The following MYPN variants were observed in gnomAD, a reference collection of about 807,000 sequenced individuals.
MYPN encodes myopalladin, also known as sarcomeric protein myopalladin, 145 kDa (MYOP).
A neutral mutation model predicts 129.4 loss-of-function variants in MYPN; 63 were observed. The observed-to-expected ratio is 0.49, with a 90% CI of 0.40 to 0.60. The LOEUF (loss-of-function observed/expected upper bound fraction) is 0.60, where lower values mean the gene tolerates loss of function less well. Among genes scored for constraint, MYPN ranks in the 20% least tolerant of loss-of-function variants. MYPN has a pLI of 0.00. For synonymous variants in MYPN, 629 were observed against 600.9 expected (o/e 1.05, Z -0.68); for missense variants, 1,596 against 1,635.4 (o/e 0.98, Z 0.42).
intron 2 of MYPN, among the ~76,000 whole-genome samples, chr10:68,123,728 T>C (rs183577725): frequency 8.7e-4 from 127 of 145,396 alleles, no homozygotes; most frequent in African/African-American, 3.2e-3. Flanking sequence ...TAAATAAGTA[T>C]AATTAAAAAT....
chr10:68,170,676 T>C (rs1375031234), intron 10 of MYPN, among the ~76,000 whole-genome samples: 1 of 152,212 alleles, frequency 6.6e-6, no homozygotes, highest in Non-Finnish European at 1.5e-5. Flanking sequence ...AGCCTGACTT[T>C]GAAATTTCAG....
At chr10:68,145,604 C>T in intron 4 of MYPN, 78 bp downstream of exon 4, 1 of 1,241,744 alleles carries the variant, frequency 8.1e-7, no homozygotes, top group Non-Finnish European at 1.2e-6. Context: ...TAATTGGTTA[C>T]TAGAACTTAA....
At position 68,174,446 on chromosome 10, in the gene MYPN, T is replaced by A. The variant is rs758614811; in HGVS notation, c.2354T>A (p.Leu785His). 1.2e-6 allele frequency: 2 copies of A among 1,614,036 alleles called. No individual in the cohort carries two copies. The highest frequency in any genetic ancestry group is 2.2e-5 in the South Asian group (2 of 91,082). ...PGGLSIQNEP[L>H]PPGPTEPTPP... ...GGGCTTTCCATCCAAAATGAGCCAC[T>A]CCCACCAGGCCCAACAGAACCAACA... is the stretch of plus-strand genomic sequence containing the variant. The change falls in exon 11 of 20, where the codon CTC (leucine) becomes CAC (histidine). Residue 785 changes from leucine to histidine, a missense_variant. Coordinates refer to ENST00000358913, the MANE Select transcript of MYPN (RefSeq NM_032578.4).
chr10:68,173,789 C>G (rs2043179543), intron 10 of MYPN, among the ~76,000 whole-genome samples: 1 of 151,200 alleles, frequency 6.6e-6, no homozygotes, highest in South Asian at 2.1e-4. Context: ...GCTGGGGCTA[C>G]AGGCGTGCAC....
intron 6 of MYPN, among the ~76,000 whole-genome samples, chr10:68,154,626 T>C (rs1175546140): frequency 2.0e-5 from 3 of 152,200 alleles, no homozygotes; most frequent in Non-Finnish European, 2.9e-5. Flanking sequence ...TCCAACTCCA[T>C]CCTAAAGCAC....
At chr10:68,160,421 C>T in intron 7 of MYPN, among the ~76,000 whole-genome samples, 1 of 105,520 alleles carries the variant, frequency 9.5e-6, no homozygotes, top group Admixed American at 1.2e-4. Context: ...CAGAGTGAGA[C>T]CTTATCTCAA....
rs10997930 is a variant in MYPN at position 68,091,719 on chromosome 10, G to T, written c.-2+3727G>T. On this transcript the variant is annotated intron_variant, in intron 1 of 6. Coordinates refer to the MYPN transcript ENST00000685154. ...CCTAGACTACAGCCCAAATTTGCTC[G>T]TTTTTTTTTTATTTTCCTTCTTTTG... 4.0e-5 allele frequency among the ~76,000 whole-genome samples: 6 copies of T among 148,766 alleles called. No homozygotes were observed. In the East Asian group the frequency reaches 7.8e-4, roughly 19 times the overall value.
Position 68,121,785 on chromosome 10 carries a change from A to T in MYPN, c.347A>T (p.Asn116Ile). Reference protein sequence around the residue: ...KHSPNLSFEPNFCQDNPRSPT... With the variant: ...KHSPNLSFEPIFCQDNPRSPT... The stretch of plus-strand genomic sequence containing the variant: ...TCACCTAATTTAAGTTTTGAGCCTA[A>T]CTTCTGCCAGGATAACCCTCGAAGT... Residue 116 changes from asparagine (N) to isoleucine (I), a missense_variant, in exon 2 of 20, where the codon AAC becomes ATC. Asn to Ile is a moderately radical substitution (Grantham distance 149, BLOSUM62 -3). Coordinates refer to ENST00000358913, the MANE Select transcript of MYPN (RefSeq NM_032578.4). The T allele has an allele frequency of 6.2e-7, 1 of 1,614,216 alleles. No homozygotes were observed. Among genetic ancestry groups the T allele is most frequent in the African/African-American group, 1.3e-5 (1 of 75,054 alleles).
chr10:68,139,676 A>G (rs1258901184), intron 2 of MYPN, among the ~76,000 whole-genome samples: 1 of 152,212 alleles, frequency 6.6e-6, no homozygotes, highest in African/African-American at 2.4e-5. Context: ...CAGCAGCTCT[A>G]TGTTCTGCTG....
intron 19 of MYPN, among the ~76,000 whole-genome samples, chr10:68,207,524 G>T (rs1193613375): frequency 6.6e-6 from 1 of 152,118 alleles, no homozygotes; most frequent in Non-Finnish European, 1.5e-5. Context: ...CCTTGCTGCC[G>T]CGGGCCACCC....
At chr10:68,143,944 G>A (rs1010351864) in intron 3 of MYPN, among the ~76,000 whole-genome samples, 4 of 152,036 alleles carry the variant, frequency 2.6e-5, no homozygotes, top group Non-Finnish European at 5.9e-5. Context: ...TAGTAGAGAT[G>A]GGGTTTCACC....
At chr10:68,110,429 G>A (rs767175490) in intron 1 of MYPN, among the ~76,000 whole-genome samples, 25 of 152,154 alleles carry the variant, frequency 1.6e-4, no homozygotes, top group Admixed American at 9.2e-4. Context: ...AGAAAAGATG[G>A]ATTATTATGT....
At chr10:68,137,300 G>A (rs2042502564) in intron 2 of MYPN, among the ~76,000 whole-genome samples, 1 of 152,160 alleles carries the variant, frequency 6.6e-6, no homozygotes, top group African/African-American at 2.4e-5. Flanking sequence ...TGTTTGGGTT[G>A]AAGTAAATTT....
intron 1 of MYPN, among the ~76,000 whole-genome samples, chr10:68,120,569 A>G (rs555665063): frequency 6.6e-6 from 1 of 152,324 alleles, no homozygotes; most frequent in East Asian, 1.9e-4. Context: ...CCTAATAACA[A>G]CATTGAATTT....
At chr10:68,205,623 G>T (rs2043802575) in intron 18 of MYPN, among the ~76,000 whole-genome samples, 1 of 150,934 alleles carries the variant, frequency 6.6e-6, no homozygotes, top group South Asian at 2.1e-4. Flanking sequence ...GGAGGGGGAG[G>T]GTGCAGTGAG....
chr10:68,161,055 C>CTT (rs2042967415), intron 7 of MYPN, among the ~76,000 whole-genome samples: 1 of 152,216 alleles, frequency 6.6e-6, no homozygotes, highest in Non-Finnish European at 1.5e-5. Context: ...TCAATCTTCA[C>CTT]AAACCTTTTT....
Position 68,201,935 on chromosome 10 carries a change from A to G in MYPN, c.3600A>G (p.Pro1200=). The change falls in exon 18 of 20, where the codon CCA becomes CCG. Residue 1200 remains proline, a synonymous_variant. Transcript: ENST00000358913. ...RLECRVIGMP[P]PVFYWKKDNE... Reference sequence around the variant, plus strand: ...AGTGCCGCGTGATAGGCATGCCCCCACCTGTGTTCTACTGGAAGAAAGACA... The same window carrying G: ...AGTGCCGCGTGATAGGCATGCCCCCGCCTGTGTTCTACTGGAAGAAAGACA... 3.1e-6 allele frequency: 5 copies of G among 1,614,056 alleles called. No homozygotes were observed. Among genetic ancestry groups the G allele is most frequent in the Non-Finnish European group, 4.2e-6 (5 of 1,179,996 alleles).
In MYPN at chr10:68,201,878, C is replaced by T. The variant is rs756337136; in HGVS notation, c.3543C>T (p.Cys1181=). ...APVILEKLQN[C]GVPEGHPVRL... is the part of the protein sequence containing the mutation. ...TGATCCTGGAGAAACTACAGAACTG[C>T]GGTGTTCCCGAAGGCCACCCCGTGA... is the stretch of plus-strand genomic sequence containing the variant. The change falls in exon 18 of 20, where the codon TGC becomes TGT. Residue 1181 remains cysteine, a synonymous_variant. Coordinates refer to ENST00000358913, the MANE Select transcript of MYPN (RefSeq NM_032578.4). 16 of 1,613,996 alleles carry T rather than the reference C, an allele frequency of 9.9e-6. No homozygotes were observed. The highest frequency in any genetic ancestry group is 2.2e-5 in the South Asian group (2 of 91,086).
chr10:68,189,854 A>G (rs978494565), intron 13 of MYPN, among the ~76,000 whole-genome samples: 5 of 152,144 alleles, frequency 3.3e-5, no homozygotes, highest in Admixed American at 1.3e-4. Context: ...TCTTCAACAT[A>G]CTGATTTCCT....
Sources: allele counts gnomAD v4.1 joint callset (sites outside exome capture counted in the v4.1 genomes callset), GRCh38; gene constraint gnomAD v4.1.1; transcripts MANE v1.5; gene names NCBI Gene and HGNC (gene_info 2026-07-23, HGNC 2026-07-21).